Variants in OR3A2 observed in about 807,000 individuals in gnomAD.
OR3A2 encodes olfactory receptor family 3 subfamily A member 2.
For missense variants in OR3A2, 318 were observed against 392.8 expected, an observed-to-expected ratio of 0.81 and a Z score of 1.61; for synonymous variants, 126 against 159.3, an observed-to-expected ratio of 0.79 and a Z score of 1.57.
intron 3 of OR3A2, among the ~76,000 whole-genome samples, chr17:3,331,836 C>T (rs1327546489): frequency 6.6e-6 from 1 of 151,464 alleles, no homozygotes; most frequent in Non-Finnish European, 1.5e-5. Flanking sequence ...TTTTCCCCAT[C>T]TTTGTGGTTT....
At chr17:3,345,528 GAAATA>G (rs1029587977) in intron 2 of OR3A2, among the ~76,000 whole-genome samples, 3 of 151,732 alleles carry the variant, frequency 2.0e-5, no homozygotes, top group Non-Finnish European at 4.4e-5. Context: ...CTTAGAAAGT[GAAATA>G]AAATAAGAAG....
rs567463887 is a variant in OR3A2, at chr17:3,334,212, C to A, written c.-85+1821G>T. On this transcript the variant is annotated intron_variant, in intron 3 of 4. Transcript: ENST00000573491. ...GACAGTATGGCGATTCCTCAGAGAT[C>A]TAGAAGCAGAAATACCATCTTTACT... Among the ~76,000 whole-genome samples the A allele has an allele frequency of 7.2e-5, 11 of 152,270 alleles. No individual in the cohort carries two copies. The South Asian group carries it at 2.1e-3, about 29-fold the overall frequency.
At chr17:3,329,630 C>G (rs1192583066) in intron 3 of OR3A2, among the ~76,000 whole-genome samples, 1 of 140,938 alleles carries the variant, frequency 7.1e-6, no homozygotes, top group Non-Finnish European at 1.5e-5. Context: ...TGCTAGCGGT[C>G]TATCAATTTT....
intron 2 of OR3A2, among the ~76,000 whole-genome samples, chr17:3,345,976 T>C (rs12952074): frequency 0.039 from 6,002 of 152,254 alleles, 241 homozygotes; most frequent in African/African-American, 0.098. Flanking sequence ...AGTTTTCACA[T>C]GCAAAGGATG....
intron 2 of OR3A2, among the ~76,000 whole-genome samples, chr17:3,376,742 C>T (rs188035567): frequency 3.3e-5 from 5 of 152,184 alleles, no homozygotes; most frequent in Admixed American, 2.6e-4. Context: ...CAGGTCTTGC[C>T]TCTCCCTGCC....
chr17:3,279,230 C>T (rs901450109), intron 1 of OR3A2, 77 bp from the exon 4 acceptor site: 5 of 441,018 alleles, frequency 1.1e-5, no homozygotes, highest in East Asian at 7.5e-5. Context: ...CAGCTGTCCT[C>T]GCCACAGGGG....
chr17:3,323,847 C>G lies in OR3A2; in HGVS notation c.-85+12186G>C, dbSNP rs181525445. On this transcript the variant is annotated intron_variant, in intron 3 of 4. Coordinates refer to the OR3A2 transcript ENST00000573491. ...GACAATTATGTGTTTTGGAGTTGCTCTTCTCGAGGAGTATCTTTGTGGTGT... is the reference window on the plus strand; with the variant it reads ...GACAATTATGTGTTTTGGAGTTGCTGTTCTCGAGGAGTATCTTTGTGGTGT... 1.7e-3 allele frequency among the ~76,000 whole-genome samples: 259 copies of G among 152,102 alleles called. 1 individual carries two copies. Among genetic ancestry groups the G allele is most frequent in the Non-Finnish European group, 2.9e-3 (199 of 68,008 alleles).
chr17:3,331,429 T>C (rs1474140814), intron 3 of OR3A2, among the ~76,000 whole-genome samples: 1 of 151,914 alleles, frequency 6.6e-6, no homozygotes, highest in Non-Finnish European at 1.5e-5. Flanking sequence ...TATTCTTTTT[T>C]CTCTAAACTT....
intron 2 of OR3A2, among the ~76,000 whole-genome samples, chr17:3,364,233 CAG>C (rs1260679838): frequency 1.3e-5 from 2 of 152,066 alleles, no homozygotes; most frequent in South Asian, 2.1e-4. Context: ...TTTTAATTGA[CAG>C]ATAATAATTC....
At chr17:3,369,295 G>A (rs917507777) in intron 2 of OR3A2, among the ~76,000 whole-genome samples, 6 of 152,130 alleles carry the variant, frequency 3.9e-5, no homozygotes, top group Admixed American at 3.9e-4. Context: ...TGGTGAAAGT[G>A]GGCATCCTTG....
chr17:3,351,792 G>T (rs940142405), intron 2 of OR3A2, among the ~76,000 whole-genome samples: 4 of 152,046 alleles, frequency 2.6e-5, no homozygotes, highest in Non-Finnish European at 5.9e-5. Context: ...ATACTGCAAG[G>T]CTACAGTAAC....
chr17:3,282,519 C>T (rs1477076526), intron 1 of OR3A2, among the ~76,000 whole-genome samples: 2 of 152,196 alleles, frequency 1.3e-5, no homozygotes, highest in South Asian at 2.1e-4. Context: ...GAGGCTGTCT[C>T]GATGACCAGC....
At chr17:3,308,523 T>G (rs971638982) in intron 3 of OR3A2, among the ~76,000 whole-genome samples, 3 of 152,130 alleles carry the variant, frequency 2.0e-5, no homozygotes, top group Admixed American at 2.0e-4. Flanking sequence ...TGCTTCAATG[T>G]GCAGGGTTAG....
At chr17:3,355,630 T>G (rs1160213676) in intron 2 of OR3A2, among the ~76,000 whole-genome samples, 1 of 151,458 alleles carries the variant, frequency 6.6e-6, no homozygotes, top group Non-Finnish European at 1.5e-5. Flanking sequence ...AATGTAAGTA[T>G]AGCTACTTCT....
Position 3,367,587 on chromosome 17 carries a change from ATG to A in OR3A2, c.-179+16215_-179+16216del, listed in dbSNP as rs1384377907. Among the ~76,000 whole-genome samples the A allele has an allele frequency of 1.4e-3, 147 of 104,086 alleles. 5 individuals are homozygous for A. Among genetic ancestry groups the A allele is most frequent in the African/African-American group, 6.1e-3 (132 of 21,758 alleles). The allele number at this position is 104,086 out of a possible 152,430, so 68.3% of individuals were successfully genotyped here. ...GTAGTATTCCATGGTGTATATGTAT[ATG>A]TGTGTGTGTGTGTATATATATATAT... is the stretch of plus-strand genomic sequence containing the variant. On this transcript the variant is annotated intron_variant, in intron 2 of 4. Transcript: ENST00000573491.
chr17:3,337,896 G>T (rs1234207438), intron 2 of OR3A2, among the ~76,000 whole-genome samples: 3 of 152,174 alleles, frequency 2.0e-5, no homozygotes, highest in Non-Finnish European at 2.9e-5. Context: ...CACCAACAGT[G>T]TAAAAGTGTT....
chr17:3,279,907 G>C (rs1346440971), intron 1 of OR3A2, among the ~76,000 whole-genome samples: 1 of 152,190 alleles, frequency 6.6e-6, no homozygotes, highest in Non-Finnish European at 1.5e-5. Flanking sequence ...GTGGATATCA[G>C]AAAGACCAGC....
intron 2 of OR3A2, among the ~76,000 whole-genome samples, chr17:3,345,481 C>T (rs538889736): frequency 5.5e-4 from 84 of 151,680 alleles, no homozygotes; most frequent in African/African-American, 2.0e-3. Context: ...CGAAACAACA[C>T]AGAGGGCAGA....
Position 3,371,195 on chromosome 17 carries a change from G to A in OR3A2, c.-179+12609C>T, listed in dbSNP as rs536994557. The stretch of plus-strand genomic sequence containing the variant: ...TCCTCACTTCCCAGTAGGGGCGGCC[G>A]GGCAGAGGCGCCCCTCACCTCCCGG... On this transcript the variant is annotated intron_variant, in intron 2 of 4. Coordinates refer to the OR3A2 transcript ENST00000573491. 1.3e-4 allele frequency among the ~76,000 whole-genome samples: 19 copies of A among 151,956 alleles called. 1 individual carries two copies. Among genetic ancestry groups the A allele is most frequent in the Middle Eastern group, 3.4e-3 (1 of 294 alleles).
Sources: gnomAD v4.1 joint callset for allele counts (sites outside exome capture counted in the v4.1 genomes callset) on GRCh38, gnomAD v4.1.1 for gene constraint, MANE v1.5 for transcripts, NCBI Gene and HGNC (gene_info 2026-07-23, HGNC 2026-07-21) for gene names.